Variants in RTN3 observed in about 807,000 individuals in gnomAD.
RTN3 encodes reticulon 3.
RTN3 carries 49 observed loss-of-function variants against 77.8 expected under a neutral mutation model. The observed-to-expected ratio is 0.63, with a 90% CI of 0.50 to 0.80. RTN3 has a LOEUF of 0.80. Ranked by LOEUF, RTN3 falls within the 30% of genes least tolerant of loss-of-function variation. The pLI is 0.00. For synonymous variants in RTN3, 464 were observed against 446.9 expected, an observed-to-expected ratio of 1.04 and a Z score of -0.48; for missense variants, 1,236 against 1,211.9, an observed-to-expected ratio of 1.02 and a Z score of -0.29.
intron 3 of RTN3, among the ~76,000 whole-genome samples, chr11:63,740,630 T>C (rs1209027435): frequency 1.3e-5 from 2 of 151,414 alleles, no homozygotes; most frequent in Non-Finnish European, 1.5e-5. Context: ...AGGGTCTCAC[T>C]ATGTTGCCCA....
intron 3 of RTN3, chr11:63,746,943 C>G (rs766208507): frequency 2.6e-5 from 12 of 455,992 alleles, no homozygotes; most frequent in South Asian, 1.5e-4. Context: ...TACCCCTTTT[C>G]CAGAGTCCAG....
Position 63,719,574 on chromosome 11 carries a change from T to G in RTN3, c.1072T>G (p.Cys358Gly). 6.2e-7 allele frequency: 1 copy of G among 1,614,138 alleles called. No individual in the cohort carries two copies. The highest frequency in any genetic ancestry group is 8.5e-7 in the Non-Finnish European group (1 of 1,180,044). ...VKQQTDKSSD[C>G]ITKTTGLDMS... Reference sequence around the variant, plus strand: ...ACAACAGACCGATAAATCTTCTGACTGCATCACAAAAACTACAGGACTTGA... The same window carrying G: ...ACAACAGACCGATAAATCTTCTGACGGCATCACAAAAACTACAGGACTTGA... The change falls in exon 3 of 9, where the codon TGC (cysteine) becomes GGC (glycine). Residue 358 changes from cysteine to glycine, a missense_variant. Around this residue, in one of 3 missense-constraint regions of RTN3, gnomAD observed 1,056 missense variants for 990.4 expected, o/e 1.07. Coordinates refer to ENST00000377819, the MANE Select transcript of RTN3 (RefSeq NM_001265589.2).
At chr11:63,717,369 C>G (rs978323151) in intron 2 of RTN3, among the ~76,000 whole-genome samples, 8 of 137,536 alleles carry the variant, frequency 5.8e-5, no homozygotes, top group African/African-American at 2.1e-4. Context: ...CTGGAGTTAA[C>G]TCTGTCTTTT....
chr11:63,747,967 G>C (rs1374857281), intron 3 of RTN3, among the ~76,000 whole-genome samples: 1 of 152,002 alleles, frequency 6.6e-6, no homozygotes, highest in Non-Finnish European at 1.5e-5. Flanking sequence ...TGGCTGGGAG[G>C]AAAGTCCTCT....
intron 1 of RTN3, among the ~76,000 whole-genome samples, chr11:63,704,223 G>A (rs532937875): frequency 2.0e-5 from 3 of 151,776 alleles, no homozygotes; most frequent in African/African-American, 4.8e-5. Context: ...GGCTGGTTTC[G>A]AACTCCTGAC....
At chr11:63,702,315 T>G (rs1942277429) in intron 1 of RTN3, among the ~76,000 whole-genome samples, 1 of 151,262 alleles carries the variant, frequency 6.6e-6, no homozygotes, top group Non-Finnish European at 1.5e-5. Context: ...TGTTTTTTTG[T>G]TTTTTTGTTT....
intron 1 of RTN3, among the ~76,000 whole-genome samples, chr11:63,685,146 T>C (rs1402389956): frequency 6.6e-6 from 1 of 152,132 alleles, no homozygotes; most frequent in African/African-American, 2.4e-5. Context: ...GTGGGCCCAA[T>C]GCAAGATCCT....
chr11:63,717,051 T>C (rs1429091793), intron 2 of RTN3, among the ~76,000 whole-genome samples: 1 of 150,522 alleles, frequency 6.6e-6, no homozygotes, highest in Non-Finnish European at 1.5e-5. Flanking sequence ...TGGTCCCAGC[T>C]ACTTGGGAGG....
At chr11:63,745,965 C>T (rs2013769621) in intron 3 of RTN3, among the ~76,000 whole-genome samples, 1 of 152,212 alleles carries the variant, frequency 6.6e-6, no homozygotes, top group Non-Finnish European at 1.5e-5. Flanking sequence ...CACGCACCAC[C>T]ATGCCTGGCT....
Position 63,752,583 on chromosome 11 carries a change from A to G in RTN3, c.2815A>G (p.Asn939Asp). The G allele has an allele frequency of 6.2e-7, 1 of 1,613,946 alleles. No homozygotes were observed. Among genetic ancestry groups the G allele is most frequent in the South Asian group, 1.1e-5 (1 of 91,060 alleles). Residue 939 changes from asparagine to aspartate, a missense_variant, in exon 5 of 9, where the codon AAC (asparagine) becomes GAC (aspartate). Transcript: ENST00000377819. ...CATGAATGCTGCCATGGTGCACATC[A>G]ACAGGGCCCTGAAACTCATTATTCG... ...NYMNAAMVHI[N>D]RALKLIIRLF... is the part of the protein sequence containing the mutation.
At chr11:63,681,958 G>A (rs1463905475) in intron 1 of RTN3, among the ~76,000 whole-genome samples, 180 bp downstream of exon 1, 1 of 152,298 alleles carries the variant, frequency 6.6e-6, no homozygotes, top group African/African-American at 2.4e-5. Context: ...AGGTTGTGCA[G>A]GCGGTGAGGA....
At chr11:63,750,410 T>C in intron 4 of RTN3, 1 of 543,344 alleles carries the variant, frequency 1.8e-6, no homozygotes, top group African/African-American at 1.9e-5. Context: ...TAGAGGCTCA[T>C]ACTTGAAGTT....
At chr11:63,686,777 G>C (rs889011309) in intron 1 of RTN3, among the ~76,000 whole-genome samples, 17 of 152,156 alleles carry the variant, frequency 1.1e-4, no homozygotes, top group Non-Finnish European at 2.5e-4. Flanking sequence ...GTTGCAGTGA[G>C]CTGAGATTGT....
intron 3 of RTN3, among the ~76,000 whole-genome samples, chr11:63,743,163 A>G (rs765892310): frequency 2.0e-5 from 3 of 152,182 alleles, no homozygotes; most frequent in Non-Finnish European, 2.9e-5. Context: ...GGCCTCCCAA[A>G]GTGCTGGGAT....
chr11:63,706,510 T>G (rs1350828871), intron 2 of RTN3, among the ~76,000 whole-genome samples: 3 of 152,212 alleles, frequency 2.0e-5, no homozygotes, highest in Non-Finnish European at 2.9e-5. Flanking sequence ...GCCAACAATT[T>G]GTTTTAATTT....
intron 8 of RTN3, among the ~76,000 whole-genome samples, chr11:63,757,525 A>AT (rs2014440752): frequency 6.6e-6 from 1 of 151,018 alleles, no homozygotes; most frequent in South Asian, 2.1e-4. Context: ...GCCCTGGCAA[A>AT]TTTTTTATTT....
chr11:63,696,673 G>A (rs1437448561), intron 1 of RTN3, among the ~76,000 whole-genome samples: 2 of 149,784 alleles, frequency 1.3e-5, no homozygotes, highest in East Asian at 2.0e-4. Flanking sequence ...AGCCTCCCGA[G>A]TAGCTGGGAT....
At chr11:63,735,591 TC>T (rs1300335017) in intron 3 of RTN3, among the ~76,000 whole-genome samples, 1 of 149,128 alleles carries the variant, frequency 6.7e-6, no homozygotes, top group African/African-American at 2.5e-5. Context: ...TCTCTCTCTC[TC>T]TCTCTCTCTT....
chr11:63,706,853 A>T (rs954155446), intron 2 of RTN3, among the ~76,000 whole-genome samples: 1 of 151,920 alleles, frequency 6.6e-6, no homozygotes, highest in Non-Finnish European at 1.5e-5. Flanking sequence ...TCAGATCTTT[A>T]AGAATACGTT....
Sources: gnomAD v4.1 joint callset for allele counts (sites outside exome capture counted in the v4.1 genomes callset) on GRCh38, gnomAD v4.1.1 for gene constraint, gnomAD v4.1.1 regional missense constraint, MANE v1.5 for transcripts, NCBI Gene and HGNC (gene_info 2026-07-23, HGNC 2026-07-21) for gene names.